The following DPH6 variants were observed in gnomAD, a reference collection of about 807,000 sequenced individuals.
The protein encoded by DPH6 is diphthamine biosynthesis 6.
DPH6 carries 33 observed loss-of-function variants against 38.2 expected under a neutral mutation model. The ratio of observed to expected loss-of-function variants is 0.86; its 90% CI spans 0.65 to 1.15. DPH6 has a LOEUF of 1.15. Ranked by LOEUF, DPH6 falls within the 50% of genes most tolerant of loss-of-function variation. The probability of loss-of-function intolerance (pLI) is 0.00; values close to 1 mark genes in which losing one functional copy is unlikely to be tolerated. For missense variants in DPH6, 325 were observed against 320.0 expected, an observed-to-expected ratio of 1.02 and a Z score of -0.12; for synonymous variants, 108 against 103.0, an observed-to-expected ratio of 1.05 and a Z score of -0.30.
chr15:35,430,538 CAA>C (rs112532049), intron 5 of DPH6, among the ~76,000 whole-genome samples: 24 of 142,962 alleles, frequency 1.7e-4, no homozygotes, highest in African/African-American at 3.0e-4. Context: ...ATCCTGTAGC[CAA>C]AAAAAAAAAA....
At chr15:35,479,814 A>T (rs2054305475) in intron 3 of DPH6, among the ~76,000 whole-genome samples, 1 of 152,134 alleles carries the variant, frequency 6.6e-6, no homozygotes, top group South Asian at 2.1e-4. Context: ...CAGATTATTT[A>T]AATAAAAAGC....
intron 1 of DPH6, 32 bp from the exon 2 acceptor site, chr15:35,542,539 C>G (rs374134329): frequency 3.3e-6 from 5 of 1,510,472 alleles, no homozygotes; most frequent in Non-Finnish European, 9.1e-7. Flanking sequence ...GGACAAATAT[C>G]ATGCTACTGA....
At chr15:35,358,800 T>C (rs2052589786) in intron 3 of DPH6, among the ~76,000 whole-genome samples, 1 of 152,154 alleles carries the variant, frequency 6.6e-6, no homozygotes. Context: ...GGGGATGCAA[T>C]AGACACCATG....
intron 6 of DPH6, among the ~76,000 whole-genome samples, chr15:35,397,866 T>TACACAC (rs137888416): frequency 6.3e-4 from 56 of 88,894 alleles, no homozygotes; most frequent in African/African-American, 2.6e-3. Context: ...AATTTATATA[T>TACACAC]ATACACACAC....
chr15:35,173,724 A>C, the DPH6 span, among the ~76,000 whole-genome samples: 1 of 152,092 alleles, frequency 6.6e-6, no homozygotes, highest in Non-Finnish European at 1.5e-5. Flanking sequence ...ATTAACAGCA[A>C]TTCTTTCAGC....
At chr15:35,469,091 A>G (rs970706951) in intron 3 of DPH6, among the ~76,000 whole-genome samples, 1 of 151,736 alleles carries the variant, frequency 6.6e-6, no homozygotes, top group Non-Finnish European at 1.5e-5. Flanking sequence ...CAACAACAAC[A>G]ACAACAACAA....
At chr15:35,513,434 G>A (rs1014483608) in intron 3 of DPH6, among the ~76,000 whole-genome samples, 1 of 151,900 alleles carries the variant, frequency 6.6e-6, no homozygotes, top group Non-Finnish European at 1.5e-5. Flanking sequence ...AGAAGAAAGA[G>A]CCAACTCTCT....
intron 3 of DPH6, among the ~76,000 whole-genome samples, chr15:35,475,843 C>G (rs1200004979): frequency 6.6e-6 from 1 of 151,520 alleles, no homozygotes; most frequent in Non-Finnish European, 1.5e-5. Flanking sequence ...AAAAATTAAA[C>G]TGAGAAGAAT....
At chr15:35,345,505 G>GT (rs1234385485) in intron 3 of DPH6, among the ~76,000 whole-genome samples, 1 of 151,798 alleles carries the variant, frequency 6.6e-6, no homozygotes, top group Non-Finnish European at 1.5e-5. Context: ...ATTATGCGTG[G>GT]TTGTCTGTAT....
intron 6 of DPH6, among the ~76,000 whole-genome samples, chr15:35,398,461 C>T (rs1405259890): frequency 2.0e-5 from 3 of 152,154 alleles, no homozygotes; most frequent in Non-Finnish European, 4.4e-5. Context: ...CATGAAAACC[C>T]GAACGGACAG....
chr15:35,282,379 A>G (rs1257435299), intron 3 of DPH6, among the ~76,000 whole-genome samples: 4 of 152,126 alleles, frequency 2.6e-5, no homozygotes, highest in South Asian at 2.1e-4. Context: ...AGGTCTCACT[A>G]TGCTGCCCAG....
At chr15:35,416,108 T>C (rs1317848879) in intron 5 of DPH6, among the ~76,000 whole-genome samples, 1 of 151,966 alleles carries the variant, frequency 6.6e-6, no homozygotes, top group Non-Finnish European at 1.5e-5. Context: ...GGGCCACATA[T>C]GAAATATACT....
At chr15:35,512,232 T>G (rs1409343347) in intron 3 of DPH6, among the ~76,000 whole-genome samples, 2 of 152,198 alleles carry the variant, frequency 1.3e-5, no homozygotes, top group Non-Finnish European at 2.9e-5. Context: ...ACCATTGATT[T>G]ACTCACAGAA....
At chr15:35,157,517 C>T in the DPH6 span, among the ~76,000 whole-genome samples, 105 of 152,168 alleles carry the variant, frequency 6.9e-4, no homozygotes, top group African/African-American at 2.3e-3. Context: ...AATAAGCAGA[C>T]AAATTTACAT....
At chr15:35,353,964 G>A (rs962601742) in intron 3 of DPH6, among the ~76,000 whole-genome samples, 1 of 152,102 alleles carries the variant, frequency 6.6e-6, no homozygotes, top group African/African-American at 2.4e-5. Flanking sequence ...GTTGAGGAGT[G>A]GTTTGTAGTT....
chr15:35,538,252 C>T (rs745732216), intron 3 of DPH6, 22 bp downstream of exon 3: 5 of 1,434,196 alleles, frequency 3.5e-6, no homozygotes, highest in Non-Finnish European at 4.7e-6. Flanking sequence ...ATCCAATATA[C>T]TTAATTGGTT....
In DPH6 at chr15:35,237,656, A is replaced by T. The variant is rs541463413; in HGVS notation, n.201-17074T>A. The T allele has an allele frequency of 5.6e-6, 9 of 1,613,664 alleles. No individual in the cohort carries two copies. In the African/African-American group the frequency reaches 1.2e-4, roughly 22 times the overall value. ...CCTCAGCACAACAGAGCCACTGAAA[A>T]ACTTAGAAAACCTCAAGAGCTTAGA... is the stretch of plus-strand genomic sequence containing the variant. On this transcript the variant is annotated intron_variant and non_coding_transcript_variant, in intron 3 of 3. Transcript: ENST00000560386.
intron 4 of DPH6, among the ~76,000 whole-genome samples, chr15:35,452,869 T>C (rs1247126872): frequency 6.6e-6 from 1 of 152,190 alleles, no homozygotes; most frequent in Non-Finnish European, 1.5e-5. Flanking sequence ...TTAAATAGGT[T>C]AAAAAATTTT....
chr15:35,195,663 A>T, the DPH6 span, among the ~76,000 whole-genome samples: 1 of 152,152 alleles, frequency 6.6e-6, no homozygotes, highest in African/African-American at 2.4e-5. Flanking sequence ...TAAAGTATTT[A>T]AAAACTATCC....
Sources: gnomAD v4.1 joint callset for allele counts (sites outside exome capture counted in the v4.1 genomes callset) on GRCh38, gnomAD v4.1.1 for gene constraint, MANE v1.5 for transcripts, NCBI Gene and HGNC (gene_info 2026-07-23, HGNC 2026-07-21) for gene names.